Variants in MBP observed in about 807,000 individuals in gnomAD.
MBP encodes the protein Golli-MBP.
Under a neutral mutation model 35.8 loss-of-function variants are expected in MBP, and 16 were observed. That is an observed-to-expected ratio of 0.45 (90% CI 0.30 to 0.68). The LOEUF (loss-of-function observed/expected upper bound fraction) is 0.68. MBP is among the 30% of genes least tolerant of loss of function. The probability of loss-of-function intolerance (pLI) is 0.08; values close to 1 mark genes in which losing one functional copy is unlikely to be tolerated. For missense variants in MBP, 380 were observed against 404.7 expected, an observed-to-expected ratio of 0.94 and a Z score of 0.52; for synonymous variants, 143 against 159.6, an observed-to-expected ratio of 0.90 and a Z score of 0.78.
chr18:77,103,423 G>A (rs900553818), intron 2 of MBP, among the ~76,000 whole-genome samples: 4 of 152,228 alleles, frequency 2.6e-5, no homozygotes, highest in Non-Finnish European at 5.9e-5. Context: ...CCTCGAGTTG[G>A]AGACACATAA....
rs1049218756 is a variant in MBP, at chr18:77,090,280, A to G, written c.51+14931T>C. ...AGCAAGCATGAAATTAAACGTTACTAAATTAAAATCAGAGACATCTCTGTA... is the reference window on the plus strand; with the variant it reads ...AGCAAGCATGAAATTAAACGTTACTGAATTAAAATCAGAGACATCTCTGTA... On this transcript the variant is annotated intron_variant, in intron 2 of 8. Transcript: ENST00000355994. Among the ~76,000 whole-genome samples, 4 of 152,222 alleles carry G rather than the reference A, an allele frequency of 2.6e-5. No individual in the cohort carries two copies. The East Asian group carries it at 7.7e-4, about 29-fold the overall frequency.
chr18:77,023,607 C>T (rs938282388), intron 3 of MBP, among the ~76,000 whole-genome samples: 11 of 152,180 alleles, frequency 7.2e-5, no homozygotes, highest in Non-Finnish European at 1.3e-4. Flanking sequence ...ACGGACTCCT[C>T]ATTCTATGAG....
intron 1 of MBP, 36 bp from the exon 2 acceptor site, chr18:77,105,322 A>G: frequency 2.3e-6 from 3 of 1,331,948 alleles, no homozygotes; most frequent in Admixed American, 3.4e-5. Context: ...CCCTAAGTCT[A>G]GTGCTCTTAG....
At chr18:77,132,354 T>C (rs10454721) in intron 1 of MBP, among the ~76,000 whole-genome samples, 20,938 of 151,914 alleles carry the variant, frequency 0.14, 1,832 homozygotes, top group East Asian at 0.22. Context: ...CGCCGGCTGC[T>C]ACCTGCTCGG....
At position 77,020,777 on chromosome 18, in the gene MBP, G is replaced by A. The variant is rs1394986612; in HGVS notation, c.140-3509C>T. ...CACAGCGAACCACCCTCCCGGTTAG[G>A]GCATGGTGGGTGGGAGCACTCTGGA... On this transcript the variant is annotated intron_variant, in intron 3 of 8. Coordinates refer to ENST00000355994, the MANE Select transcript of MBP (RefSeq NM_001025101.2). The surrounding 1 kb of genome is among the most constrained non-coding windows in gnomAD (Gnocchi z 4.1). Among the ~76,000 whole-genome samples the A allele has an allele frequency of 6.6e-6, 1 of 152,180 alleles. No individual in the cohort carries two copies. Among genetic ancestry groups the A allele is most frequent in the Non-Finnish European group, 1.5e-5 (1 of 68,028 alleles).
intron 3 of MBP, among the ~76,000 whole-genome samples, chr18:77,046,120 T>C (rs1973247241): frequency 6.6e-6 from 1 of 152,252 alleles, no homozygotes; most frequent in Non-Finnish European, 1.5e-5. Flanking sequence ...GTCTATTAAC[T>C]ACAGACATGA....
At chr18:77,076,459 T>C (rs1470010786) in intron 2 of MBP, among the ~76,000 whole-genome samples, 1 of 152,228 alleles carries the variant, frequency 6.6e-6, no homozygotes, top group Non-Finnish European at 1.5e-5. Flanking sequence ...GCTTGGGCCA[T>C]GCCAAGGCCT....
At chr18:77,005,333 T>G (rs1393971049) in intron 4 of MBP, 2 of 152,276 alleles carry the variant, frequency 1.3e-5, no homozygotes. Context: ...GTTGGCACCT[T>G]GATGGCAGCC....
At chr18:77,031,295 C>G (rs547270114) in intron 3 of MBP, among the ~76,000 whole-genome samples, 1 of 152,186 alleles carries the variant, frequency 6.6e-6, no homozygotes, top group African/African-American at 2.4e-5. Flanking sequence ...TTGGCAGATG[C>G]CAGACAGACC....
intron 2 of MBP, among the ~76,000 whole-genome samples, chr18:77,068,273 C>T (rs982155658): frequency 4.6e-5 from 7 of 152,202 alleles, no homozygotes; most frequent in African/African-American, 1.7e-4. Context: ...AGCTCCTGCA[C>T]TGGGCCCAGC....
intron 1 of MBP, 116 bp from the exon 2 acceptor site, chr18:77,105,402 C>A: frequency 1.7e-6 from 1 of 597,334 alleles, no homozygotes. Context: ...TTTGAGAAGA[C>A]GAAACCAAGG....
At chr18:77,116,712 C>T (rs1315229788) in intron 1 of MBP, among the ~76,000 whole-genome samples, 1 of 152,134 alleles carries the variant, frequency 6.6e-6, no homozygotes, top group African/African-American at 2.4e-5. Flanking sequence ...TACAAAACTT[C>T]ACCGCGTATG....
chr18:77,058,342 G>T (rs1973825931), intron 3 of MBP, among the ~76,000 whole-genome samples: 1 of 152,156 alleles, frequency 6.6e-6, no homozygotes, highest in Admixed American at 6.5e-5. Context: ...CCTGCTCCAC[G>T]CTGCGGGGAG....
At chr18:77,031,992 A>G (rs1041949850) in intron 3 of MBP, among the ~76,000 whole-genome samples, 4 of 152,240 alleles carry the variant, frequency 2.6e-5, no homozygotes, top group Non-Finnish European at 4.4e-5. Flanking sequence ...GGCAACGACA[A>G]CAAGTGTGTT....
At chr18:77,012,469 C>A (rs988215043) in intron 4 of MBP, among the ~76,000 whole-genome samples, 4 of 152,184 alleles carry the variant, frequency 2.6e-5, no homozygotes, top group African/African-American at 9.7e-5. Context: ...ATAGAAAGAC[C>A]AGAACACCGA....
chr18:77,060,448 CTTTTT>C (rs74182682), intron 3 of MBP, among the ~76,000 whole-genome samples: 3 of 97,630 alleles, frequency 3.1e-5, no homozygotes, highest in Admixed American at 1.1e-4. Flanking sequence ...TCTCTCTCTC[CTTTTT>C]TTTTTTTTTT....
chr18:77,075,893 G>A (rs1210048256), intron 2 of MBP, among the ~76,000 whole-genome samples: 1 of 152,182 alleles, frequency 6.6e-6, no homozygotes, highest in East Asian at 1.9e-4. Context: ...ATTACTATTA[G>A]GCCCTTGCTG....
chr18:77,132,132 G>A (rs1021204453), intron 1 of MBP, among the ~76,000 whole-genome samples: 25 of 152,202 alleles, frequency 1.6e-4, no homozygotes, highest in African/African-American at 4.6e-4. Context: ...GCTTTTGACC[G>A]CCGTCCCCTC....
intron 3 of MBP, among the ~76,000 whole-genome samples, chr18:77,038,083 A>T (rs886611911): frequency 2.0e-5 from 3 of 152,374 alleles, no homozygotes; most frequent in Admixed American, 1.3e-4. Context: ...TTTAACAGCC[A>T]GCGACTACTA....
Sources: gnomAD v4.1 joint callset for allele counts (sites outside exome capture counted in the v4.1 genomes callset) on GRCh38, gnomAD v4.1.1 for gene constraint, Gnocchi (gnomAD v3.1) non-coding constraint, MANE v1.5 for transcripts, NCBI Gene and HGNC (gene_info 2026-07-23, HGNC 2026-07-21) for gene names.